Variants in RUNDC3B observed in about 807,000 individuals in gnomAD.
The protein encoded by RUNDC3B is RUN domain containing 3B.
Under a neutral mutation model 58.4 loss-of-function variants are expected in RUNDC3B, and 33 were observed. That is an observed-to-expected ratio of 0.56 (90% CI 0.43 to 0.75). The LOEUF is 0.75. Ranked by LOEUF, RUNDC3B falls within the 30% of genes least tolerant of loss-of-function variation. The pLI is 0.00. For synonymous variants in RUNDC3B, 193 were observed against 195.2 expected (o/e 0.99, Z 0.10); for missense variants, 501 against 535.7 (o/e 0.94, Z 0.64).
chr7:87,813,154 A>G (rs574512185), intron 9 of RUNDC3B, among the ~76,000 whole-genome samples: 194 of 152,338 alleles, frequency 1.3e-3, no homozygotes, highest in African/African-American at 4.2e-3. Context: ...ACCAAATTCT[A>G]TTTCCATATT....
At chr7:87,631,621 C>G (rs1005664592) in intron 1 of RUNDC3B, among the ~76,000 whole-genome samples, 2 of 152,216 alleles carry the variant, frequency 1.3e-5, no homozygotes, top group Non-Finnish European at 1.5e-5. Context: ...TCTCGATCTG[C>G]TGACCTCGTG....
chr7:87,634,942 A>C (rs1454087950), intron 1 of RUNDC3B, among the ~76,000 whole-genome samples: 1 of 152,176 alleles, frequency 6.6e-6, no homozygotes, highest in African/African-American at 2.4e-5. Context: ...CTAGTCCTAG[A>C]GTAGACATTT....
chr7:87,821,414 C>T (rs377013722), intron 10 of RUNDC3B, among the ~76,000 whole-genome samples: 27 of 152,220 alleles, frequency 1.8e-4, no homozygotes, highest in East Asian at 5.8e-4. Flanking sequence ...TGGAAGAACA[C>T]TCCATGCTCA....
chr7:87,817,331 T>C (rs1261840344), intron 10 of RUNDC3B, among the ~76,000 whole-genome samples: 1 of 152,252 alleles, frequency 6.6e-6, no homozygotes, highest in Non-Finnish European at 1.5e-5. Flanking sequence ...ATTCTCCATG[T>C]AGCAATCAGT....
chr7:87,656,001 A>G (rs1208962755), intron 2 of RUNDC3B, among the ~76,000 whole-genome samples: 2 of 152,140 alleles, frequency 1.3e-5, no homozygotes, highest in Non-Finnish European at 1.5e-5. Context: ...GGAAGCAGAG[A>G]CAGGACCCTC....
chr7:87,787,274 T>C lies in RUNDC3B; in HGVS notation c.956+9319T>C, dbSNP rs544162059. ...GCTGAGATTTTTAAAAAATCAACTG[T>C]CAAGAAGGCCTATAATCAAAGTTGG... On this transcript the variant is annotated intron_variant, in intron 8 of 10. Coordinates refer to ENST00000394654, the MANE Select transcript of RUNDC3B (RefSeq NM_001134405.2). Among the ~76,000 whole-genome samples, 19 of 152,274 alleles carry C rather than the reference T, an allele frequency of 1.2e-4. No homozygotes were observed. The South Asian group carries it at 3.7e-3, about 30-fold the overall frequency.
chr7:87,797,684 T>G (rs184624480), intron 8 of RUNDC3B, among the ~76,000 whole-genome samples: 36 of 152,324 alleles, frequency 2.4e-4, no homozygotes, highest in African/African-American at 8.7e-4. Flanking sequence ...TAGGGTTTTT[T>G]GGTGGTTGCC....
chr7:87,817,568 C>T (rs141118782), intron 10 of RUNDC3B, among the ~76,000 whole-genome samples: 78 of 152,290 alleles, frequency 5.1e-4, no homozygotes, highest in African/African-American at 1.8e-3. Flanking sequence ...ACTGTCTTTG[C>T]ACTTGCTTTT....
At chr7:87,778,663 T>C (rs1316052170) in intron 8 of RUNDC3B, among the ~76,000 whole-genome samples, 3 of 152,190 alleles carry the variant, frequency 2.0e-5, no homozygotes, top group Non-Finnish European at 4.4e-5. Flanking sequence ...GTTACTAGGT[T>C]GTACCAGAAT....
chr7:87,668,007 GGTGGGGAGGA>G, intron 2 of RUNDC3B, among the ~76,000 whole-genome samples: 1 of 152,112 alleles, frequency 6.6e-6, no homozygotes, highest in African/African-American at 2.4e-5. Context: ...TAGAGAATGA[GGTGGGGAGGA>G]GTCCCTCTTC....
intron 8 of RUNDC3B, among the ~76,000 whole-genome samples, chr7:87,788,584 T>G (rs1835349624): frequency 3.3e-5 from 5 of 152,000 alleles, no homozygotes; most frequent in Admixed American, 3.3e-4. Flanking sequence ...ATTTATATAT[T>G]AAATTTTATT....
intron 4 of RUNDC3B, among the ~76,000 whole-genome samples, chr7:87,728,552 G>A (rs1025103070): frequency 1.3e-5 from 2 of 152,112 alleles, no homozygotes; most frequent in Non-Finnish European, 2.9e-5. Context: ...GCATTACTTG[G>A]CTCATGGCCC....
chr7:87,765,818 A>G (rs992691133), intron 6 of RUNDC3B, among the ~76,000 whole-genome samples: 8 of 152,038 alleles, frequency 5.3e-5, no homozygotes, highest in African/African-American at 1.9e-4. Flanking sequence ...CATTTGCTCT[A>G]GAGTCTAATT....
At chr7:87,783,106 G>A (rs1402042350) in intron 8 of RUNDC3B, among the ~76,000 whole-genome samples, 4 of 151,814 alleles carry the variant, frequency 2.6e-5, no homozygotes, top group Non-Finnish European at 5.9e-5. Flanking sequence ...AGGTCTAGAA[G>A]TACTTGCTTT....
At chr7:87,740,846 T>A (rs1832275621) in intron 5 of RUNDC3B, among the ~76,000 whole-genome samples, 1 of 152,178 alleles carries the variant, frequency 6.6e-6, no homozygotes, top group African/African-American at 2.4e-5. Context: ...ACTTTTTATA[T>A]CACGTCACTA....
chr7:87,706,964 G>A (rs1320965856), intron 3 of RUNDC3B, among the ~76,000 whole-genome samples: 1 of 152,090 alleles, frequency 6.6e-6, no homozygotes, highest in East Asian at 1.9e-4. Context: ...CAAGGTGAAG[G>A]GGAACTGTAA....
intron 8 of RUNDC3B, among the ~76,000 whole-genome samples, chr7:87,785,344 A>G (rs1394067327): frequency 6.6e-6 from 1 of 152,092 alleles, no homozygotes. Flanking sequence ...TTGGCAGCAC[A>G]TGAACTCACG....
intron 9 of RUNDC3B, among the ~76,000 whole-genome samples, chr7:87,810,365 G>A (rs1209209071): frequency 1.3e-5 from 2 of 152,126 alleles, no homozygotes; most frequent in African/African-American, 4.8e-5. Context: ...TATTTAGCAT[G>A]GTGTGATTAG....
chr7:87,809,439 T>C (rs1836595554), intron 9 of RUNDC3B, among the ~76,000 whole-genome samples: 1 of 152,202 alleles, frequency 6.6e-6, no homozygotes, highest in African/African-American at 2.4e-5. Context: ...TTACGTAATG[T>C]GTAACACTGA....
Sources: allele counts gnomAD v4.1 joint callset (sites outside exome capture counted in the v4.1 genomes callset), GRCh38; gene constraint gnomAD v4.1.1; transcripts MANE v1.5; gene names NCBI Gene and HGNC (gene_info 2026-07-23, HGNC 2026-07-21).